The following VAPB variants were observed in gnomAD, a reference collection of about 807,000 sequenced individuals.
The protein encoded by VAPB is vesicle-associated membrane protein-associated protein B/C.
Under a neutral mutation model 25.6 loss-of-function variants are expected in VAPB, and 7 were observed. The observed-to-expected ratio is 0.27, with a 90% CI of 0.16 to 0.51. The LOEUF (loss-of-function observed/expected upper bound fraction) is 0.51, where lower values mean the gene tolerates loss of function less well. VAPB is among the 20% of genes least tolerant of loss of function. The pLI, the probability that VAPB is intolerant of heterozygous loss-of-function variation, is 0.97. For missense variants in VAPB, 266 were observed against 301.3 expected, an observed-to-expected ratio of 0.88 and a Z score of 0.87; for synonymous variants, 112 against 109.2, an observed-to-expected ratio of 1.03 and a Z score of -0.16.
Position 58,450,854 on chromosome 20 carries a change from G to A in VAPB, c.*6619G>A, listed in dbSNP as rs79091887. The A allele has an allele frequency of 2.0e-3, 901 of 454,126 alleles. 9 individuals are homozygous for A. Among genetic ancestry groups the A allele is most frequent in the African/African-American group, 0.016 (820 of 50,126 alleles). The allele number at this position is 454,126 out of a possible 1,614,324, so 28.1% of individuals were successfully genotyped here. A position where few individuals can be genotyped will look rare whatever the true frequency, so the allele number is the denominator to read the frequency against. ...TAATTTAAAAAGTTGGTGCAGGAAA[G>A]GACTCTTTACTGTTGCACATTTTGG... On this transcript the variant is annotated 3_prime_UTR_variant, in exon 6 of 6. Transcript: ENST00000475243.
chr20:58,443,398 GTTT>G (rs397773897), intron 5 of VAPB, among the ~76,000 whole-genome samples: 2 of 112,836 alleles, frequency 1.8e-5, no homozygotes, highest in Non-Finnish European at 3.4e-5. Flanking sequence ...CCACTTTTAG[GTTT>G]TTTTTTTTTT....
rs1219155541 is a variant in VAPB at position 58,444,785 on chromosome 20, A to G, written c.*550A>G. 6.6e-5 allele frequency: 30 copies of G among 454,462 alleles called. No homozygotes were observed. The highest frequency in any genetic ancestry group is 4.8e-5 in the Non-Finnish European group (11 of 226,806). The allele number at this position is 454,462 out of a possible 1,614,324, so 28.2% of individuals were successfully genotyped here. ...CCCAAAGGAATTGCACTGTGGCAGC[A>G]TCAGACGTACTCGTCATAAGTGAGA... On this transcript the variant is annotated 3_prime_UTR_variant, in exon 6 of 6. Transcript: ENST00000475243.
At chr20:58,439,306 A>G (rs1296530286) in intron 4 of VAPB, 9 of 447,060 alleles carry the variant, frequency 2.0e-5, no homozygotes, top group Non-Finnish European at 3.7e-5. Flanking sequence ...TGGCCTGGCA[A>G]AGGTATAGGT....
intron 1 of VAPB, among the ~76,000 whole-genome samples, chr20:58,404,086 A>C (rs568118325): frequency 1.3e-5 from 2 of 151,780 alleles, no homozygotes; most frequent in African/African-American, 4.8e-5. Flanking sequence ...TTCTGTCTCT[A>C]TTTTTTCTGC....
chr20:58,397,095 GA>G (rs1987976294), intron 1 of VAPB, among the ~76,000 whole-genome samples: 1 of 152,224 alleles, frequency 6.6e-6, no homozygotes, highest in Admixed American at 6.5e-5. Context: ...GTTATTCTCT[GA>G]ATTTTTTAGG....
intron 1 of VAPB, among the ~76,000 whole-genome samples, chr20:58,406,091 CAA>C (rs1013559633): frequency 2.0e-5 from 3 of 151,988 alleles, no homozygotes; most frequent in Admixed American, 6.6e-5. Flanking sequence ...GAGTGGGACT[CAA>C]GAGTGCCGTT....
At chr20:58,431,808 C>G (rs1202755738) in intron 2 of VAPB, among the ~76,000 whole-genome samples, 1 of 152,112 alleles carries the variant, frequency 6.6e-6, no homozygotes, top group East Asian at 1.9e-4. Flanking sequence ...ATCCTCCCGC[C>G]TTGGCCTCCC....
chr20:58,434,715 G>T lies in VAPB; in HGVS notation c.315+10G>T. ...AGATATGGAAGCAGTAGTAAGTACT[G>T]AATGCTTCTTATTTTTTTCAGTAAC... On this transcript the variant is annotated intron_variant, in intron 3 of 5. Transcript: ENST00000475243. The T allele has an allele frequency of 7.7e-7, 1 of 1,297,434 alleles. No individual in the cohort carries two copies. Among genetic ancestry groups the T allele is most frequent in the South Asian group, 1.2e-5 (1 of 84,622 alleles). 80.4% of individuals were successfully genotyped at this position (1,297,434 alleles called of 1,614,324 possible).
intron 1 of VAPB, among the ~76,000 whole-genome samples, chr20:58,393,715 T>G (rs1987871011): frequency 3.5e-5 from 2 of 56,568 alleles, no homozygotes; most frequent in Non-Finnish European, 7.5e-5. Flanking sequence ...GGTTAAGGTT[T>G]GTTTTGTTTT....
chr20:58,435,506 G>A (rs1989023343), intron 3 of VAPB, among the ~76,000 whole-genome samples: 2 of 152,182 alleles, frequency 1.3e-5, no homozygotes, highest in Admixed American at 6.5e-5. Flanking sequence ...CGCCCAAAGG[G>A]GAGCCCCGAG....
At chr20:58,427,158 T>TATA (rs1988808469) in intron 2 of VAPB, among the ~76,000 whole-genome samples, 1 of 152,120 alleles carries the variant, frequency 6.6e-6, no homozygotes, top group African/African-American at 2.4e-5. Flanking sequence ...CTGTTACCAT[T>TATA]ATGATGCAGA....
chr20:58,389,272 T>C lies in VAPB; in HGVS notation c.-188T>C, dbSNP rs113362604. Reference sequence around the variant, plus strand: ...GGGCACCGCGGCCTCGCCCTCGCCCTCCGCCCCTGCGCCTGCACCGCGTAG... The same window carrying C: ...GGGCACCGCGGCCTCGCCCTCGCCCCCCGCCCCTGCGCCTGCACCGCGTAG... On this transcript the variant is annotated 5_prime_UTR_variant, in exon 1 of 6. Coordinates refer to ENST00000475243, the MANE Select transcript of VAPB (RefSeq NM_004738.5). The C allele has an allele frequency of 1.4e-6, 1 of 692,172 alleles. No homozygotes were observed. Among genetic ancestry groups the C allele is most frequent in the Non-Finnish European group, 2.6e-6 (1 of 388,972 alleles). The allele number at this position is 692,172 out of a possible 1,614,324, so 42.9% of individuals were successfully genotyped here.
At position 58,389,280 on chromosome 20, in the gene VAPB, T is replaced by G; in HGVS notation, c.-180T>G. On this transcript the variant is annotated 5_prime_UTR_variant, in exon 1 of 6. Transcript: ENST00000475243. ...CGGCCTCGCCCTCGCCCTCCGCCCC[T>G]GCGCCTGCACCGCGTAGACCGACCC... 1 of 699,066 alleles carries G rather than the reference T, an allele frequency of 1.4e-6. No individual in the cohort carries two copies. 43.3% of individuals were successfully genotyped at this position (699,066 alleles called of 1,614,324 possible).
chr20:58,439,923 C>T (rs1989125677), intron 4 of VAPB: 1 of 152,150 alleles, frequency 6.6e-6, no homozygotes, highest in South Asian at 2.1e-4. Flanking sequence ...CTATCCTAGC[C>T]ATTAATAGCT....
In VAPB at chr20:58,444,620, C is replaced by G. The variant is rs542384860; in HGVS notation, c.*385C>G. On this transcript the variant is annotated 3_prime_UTR_variant, in exon 6 of 6. Transcript: ENST00000475243. ...CCTGTTGGTGCTGGCCCTTGGGGAG[C>G]TGGAGCCCAGCATGCTGGGGAGTGC... is the stretch of plus-strand genomic sequence containing the variant. 2.2e-6 allele frequency: 1 copy of G among 455,686 alleles called. No individual in the cohort carries two copies. The highest frequency in any genetic ancestry group is 1.6e-5 in the South Asian group (1 of 64,500). 28.2% of individuals were successfully genotyped at this position (455,686 alleles called of 1,614,324 possible).
chr20:58,402,422 C>A (rs2123030334), intron 1 of VAPB, among the ~76,000 whole-genome samples: 1 of 152,334 alleles, frequency 6.6e-6, no homozygotes, highest in Middle Eastern at 3.4e-3. Context: ...GCACAGGCTT[C>A]ACTTCTTCAA....
At chr20:58,440,751 A>G in intron 4 of VAPB, 156 bp from the exon 5 acceptor site, 2 of 666,780 alleles carry the variant, frequency 3.0e-6, no homozygotes, top group South Asian at 3.8e-5. Context: ...TTAAGATATC[A>G]GATAAAGTAA....
At chr20:58,399,747 CTG>C (rs1052642392) in intron 1 of VAPB, among the ~76,000 whole-genome samples, 4 of 150,686 alleles carry the variant, frequency 2.7e-5, no homozygotes, top group African/African-American at 7.3e-5. Flanking sequence ...TCTATGAATT[CTG>C]TGTTTCCCCC....
At chr20:58,418,854 G>T (rs1404032903) in intron 2 of VAPB, among the ~76,000 whole-genome samples, 2 of 152,190 alleles carry the variant, frequency 1.3e-5, no homozygotes, top group African/African-American at 4.8e-5. Context: ...AACGCCAAGA[G>T]AGATGAGGGC....
Sources: gnomAD v4.1 joint callset for allele counts (sites outside exome capture counted in the v4.1 genomes callset) on GRCh38, gnomAD v4.1.1 for gene constraint, MANE v1.5 for transcripts, NCBI Gene and HGNC (gene_info 2026-07-23, HGNC 2026-07-21) for gene names.